Variants in CSMD1 observed in about 807,000 individuals in gnomAD.
CSMD1 encodes CUB and sushi domain-containing protein 1.
A neutral mutation model predicts 417.5 loss-of-function variants in CSMD1; 213 were observed. That is an observed-to-expected ratio of 0.51 (90% CI 0.46 to 0.57). The LOEUF (loss-of-function observed/expected upper bound fraction) is 0.57. CSMD1 is among the 20% of genes least tolerant of loss of function. CSMD1 has a pLI of 0.00. For synonymous variants in CSMD1, 2,862 were observed against 1,736.8 expected, an observed-to-expected ratio of 1.65 and a Z score of -16.11; for missense variants, 6,923 against 4,529.7, an observed-to-expected ratio of 1.53 and a Z score of -15.17.
At chr8:3,357,543 G>C (rs1328640025) in intron 21 of CSMD1, among the ~76,000 whole-genome samples, 1 of 152,134 alleles carries the variant, frequency 6.6e-6, no homozygotes, top group East Asian at 1.9e-4. Flanking sequence ...GTAAAAACCT[G>C]AATGACAAGA....
At chr8:4,379,652 C>CT (rs1802975673) in intron 3 of CSMD1, among the ~76,000 whole-genome samples, 1 of 151,440 alleles carries the variant, frequency 6.6e-6, no homozygotes, top group Non-Finnish European at 1.5e-5. Flanking sequence ...GTCTGCTGGA[C>CT]TTTTTTTGAA....
chr8:3,774,642 T>C (rs193199793), intron 5 of CSMD1, among the ~76,000 whole-genome samples: 1 of 152,300 alleles, frequency 6.6e-6, no homozygotes. Flanking sequence ...TGTTGAACTG[T>C]GGACAACCTA....
At chr8:3,118,326 G>T (rs547190889) in intron 42 of CSMD1, 73 bp downstream of exon 42, 2 of 1,050,590 alleles carry the variant, frequency 1.9e-6, no homozygotes, top group Non-Finnish European at 2.8e-6. Flanking sequence ...TACTGGATAT[G>T]TTCATTTAAT....
intron 3 of CSMD1, among the ~76,000 whole-genome samples, chr8:4,149,365 T>C (rs970501757): frequency 1.3e-5 from 2 of 152,218 alleles, no homozygotes; most frequent in African/African-American, 4.8e-5. Context: ...AAGATACACT[T>C]TGGTATAATA....
chr8:4,780,117 A>G (rs1015391530), intron 1 of CSMD1, among the ~76,000 whole-genome samples: 6 of 152,190 alleles, frequency 3.9e-5, no homozygotes, highest in African/African-American at 7.2e-5. Context: ...TTTTAGCAAC[A>G]TTTACTACAG....
chr8:4,048,900 G>C (rs1187369301), intron 3 of CSMD1, among the ~76,000 whole-genome samples: 1 of 152,134 alleles, frequency 6.6e-6, no homozygotes, highest in Admixed American at 6.5e-5. Flanking sequence ...TACAAAAATA[G>C]TCTATTTGCT....
At chr8:4,038,858 G>C (rs776865415) in intron 3 of CSMD1, among the ~76,000 whole-genome samples, 15 of 152,300 alleles carry the variant, frequency 9.8e-5, no homozygotes, top group East Asian at 9.7e-4. Context: ...ATCAGGGCTT[G>C]AAACTTGAAA....
At chr8:3,600,447 G>T (rs1239232680) in intron 8 of CSMD1, among the ~76,000 whole-genome samples, 1 of 152,182 alleles carries the variant, frequency 6.6e-6, no homozygotes, top group Admixed American at 6.5e-5. Context: ...GCAGTTCTCA[G>T]CAAGGGTCAA....
At chr8:3,187,632 G>A (rs73660603) in intron 36 of CSMD1, among the ~76,000 whole-genome samples, 2,113 of 152,206 alleles carry the variant, frequency 0.014, 43 homozygotes, top group African/African-American at 0.048. Context: ...GCATGTCAAA[G>A]CTCTGCTATC....
chr8:3,977,027 G>C (rs1461561231), intron 5 of CSMD1, among the ~76,000 whole-genome samples: 3 of 152,144 alleles, frequency 2.0e-5, no homozygotes, highest in Admixed American at 6.5e-5. Context: ...GCAGGGAATG[G>C]GTGAGACGGG....
rs551034525 is a variant in CSMD1, at chr8:4,071,032, G to C, written c.416-38933C>G. Among the ~76,000 whole-genome samples the C allele has an allele frequency of 5.3e-5, 8 of 152,122 alleles. No homozygotes were observed. In the South Asian group the frequency reaches 1.4e-3, roughly 28 times the overall value. On this transcript the variant is annotated intron_variant, in intron 3 of 69. Transcript: ENST00000635120. ...GTGGCTGCTTTCAAGCTTTTTCTCT[G>C]TCTCTTTTGAAGCAGTTTGGCTGTG...
chr8:4,577,887 T>C (rs1311419109), intron 2 of CSMD1, among the ~76,000 whole-genome samples: 2 of 152,198 alleles, frequency 1.3e-5, no homozygotes, highest in Admixed American at 6.5e-5. Context: ...ACTAAATATA[T>C]AGTAAATGTA....
chr8:3,831,860 G>C (rs753621218), intron 5 of CSMD1, among the ~76,000 whole-genome samples: 1 of 152,106 alleles, frequency 6.6e-6, no homozygotes, highest in Non-Finnish European at 1.5e-5. Context: ...ATATAACATA[G>C]CATCTTTGTG....
At chr8:4,688,350 G>C (rs1806523689) in intron 1 of CSMD1, among the ~76,000 whole-genome samples, 1 of 152,160 alleles carries the variant, frequency 6.6e-6, no homozygotes, top group East Asian at 1.9e-4. Flanking sequence ...CTAAAAAGCT[G>C]TAAGTGCCCA....
chr8:4,413,901 C>T (rs1270142041), intron 3 of CSMD1, among the ~76,000 whole-genome samples: 3 of 152,168 alleles, frequency 2.0e-5, no homozygotes, highest in Non-Finnish European at 4.4e-5. Context: ...TCTAAGTTAC[C>T]TAATTAGCCC....
intron 1 of CSMD1, among the ~76,000 whole-genome samples, chr8:4,827,088 G>C (rs752657682): frequency 6.6e-6 from 1 of 152,058 alleles, no homozygotes; most frequent in Non-Finnish European, 1.5e-5. Context: ...CCATGTTCTG[G>C]CAATGCCCTT....
rs1406183720 is a variant in CSMD1, at chr8:3,142,527, G to A, written c.6179C>T (p.Thr2060Ile). ...ATGGTCACTATAAAAGTGGATGAGG[G>A]TTTCATGCGTTGTGCTCAGCAGGGC... ...PAALLSTTHE[T>I]LIHFYSDHSQ... The change falls in exon 41 of 70, where the codon ACC (threonine) becomes ATC (isoleucine). Residue 2060 changes from threonine to isoleucine, a missense_variant. Coordinates refer to ENST00000635120, the MANE Select transcript of CSMD1 (RefSeq NM_033225.6). 6.2e-7 allele frequency: 1 copy of A among 1,613,964 alleles called. No homozygotes were observed. The highest frequency in any genetic ancestry group is 1.7e-5 in the Admixed American group (1 of 60,026).
In CSMD1 at chr8:3,253,460, A is replaced by G. The variant is rs918261899; in HGVS notation, c.4154-23229T>C. The stretch of plus-strand genomic sequence containing the variant: ...TGCTTTACTTCCAACTATGTGGTCA[A>G]TTTTGGACTAGGTGTGGTGTGGTGC... On this transcript the variant is annotated intron_variant, in intron 26 of 69. Coordinates refer to ENST00000635120, the MANE Select transcript of CSMD1 (RefSeq NM_033225.6). Among the ~76,000 whole-genome samples, 54 of 152,176 alleles carry G rather than the reference A, an allele frequency of 3.5e-4. 1 individual carries two copies. Among genetic ancestry groups the G allele is most frequent in the African/African-American group, 1.2e-3 (48 of 41,500 alleles).
At chr8:4,789,680 C>A (rs1797591222) in intron 1 of CSMD1, among the ~76,000 whole-genome samples, 1 of 152,030 alleles carries the variant, frequency 6.6e-6, no homozygotes, top group African/African-American at 2.4e-5. Flanking sequence ...TTAGCATGTT[C>A]CAGAATGTAC....
Sources: gnomAD v4.1 joint callset for allele counts (sites outside exome capture counted in the v4.1 genomes callset) on GRCh38, gnomAD v4.1.1 for gene constraint, MANE v1.5 for transcripts, NCBI Gene and HGNC (gene_info 2026-07-23, HGNC 2026-07-21) for gene names.